IPCEF1: variants seen among roughly 807,000 people sequenced by gnomAD.
IPCEF1 encodes the protein interaction protein for cytohesin exchange factors 1, also known as interactor protein for cytohesin exchange factors 1.
Under a neutral mutation model 50.9 loss-of-function variants are expected in IPCEF1, and 31 were observed. The ratio of observed to expected loss-of-function variants is 0.61; its 90% confidence interval spans 0.46 to 0.82. The LOEUF (loss-of-function observed/expected upper bound fraction) is 0.82. Ranked by LOEUF, IPCEF1 falls within the 40% of genes least tolerant of loss-of-function variation. The pLI, the probability that IPCEF1 is intolerant of heterozygous loss-of-function variation, is 0.00. For synonymous variants in IPCEF1, 181 were observed against 192.0 expected (o/e 0.94, Z 0.47); for missense variants, 458 against 514.0 (o/e 0.89, Z 1.05).
intron 11 of IPCEF1, among the ~76,000 whole-genome samples, chr6:154,161,392 G>A (rs1447185396): frequency 1.3e-5 from 2 of 151,888 alleles, no homozygotes; most frequent in African/African-American, 4.8e-5. Flanking sequence ...TCTATTTTTA[G>A]TAGAGATGGG....
intron 1 of IPCEF1, among the ~76,000 whole-genome samples, chr6:154,329,785 G>A (rs750128927): frequency 6.6e-6 from 1 of 152,062 alleles, no homozygotes; most frequent in South Asian, 2.1e-4. Flanking sequence ...TAGCTTAGTG[G>A]CGAATTCACA....
chr6:154,199,638 T>C (rs192051269), intron 10 of IPCEF1, 30 bp downstream of exon 10: 137 of 1,547,386 alleles, frequency 8.9e-5, no homozygotes, highest in Admixed American at 4.7e-4. Context: ...ATTCACTCTC[T>C]AACGAAGAAT....
intron 10 of IPCEF1, among the ~76,000 whole-genome samples, chr6:154,192,664 AG>A (rs201908136): frequency 0.012 from 1,718 of 144,994 alleles, 26 homozygotes; most frequent in African/African-American, 0.042. Context: ...CAAATTAGGA[AG>A]AAAAAAAAAT....
intron 2 of IPCEF1, among the ~76,000 whole-genome samples, chr6:154,275,920 C>T (rs1782043812): frequency 1.3e-5 from 2 of 152,192 alleles, no homozygotes; most frequent in Admixed American, 6.5e-5. Context: ...TGACTCACGC[C>T]TGTAATCCTA....
chr6:154,173,833 T>C (rs1800073671), intron 10 of IPCEF1, among the ~76,000 whole-genome samples: 1 of 152,156 alleles, frequency 6.6e-6, no homozygotes, highest in African/African-American at 2.4e-5. Context: ...GCCACAAAGA[T>C]ACTCCTTGAG....
chr6:154,349,652 C>G (rs1784090158), intron 1 of IPCEF1, among the ~76,000 whole-genome samples: 1 of 152,078 alleles, frequency 6.6e-6, no homozygotes. Context: ...GTTAAATGTT[C>G]TATTCCTCTC....
At chr6:154,166,643 TC>T (rs1244601462) in intron 11 of IPCEF1, among the ~76,000 whole-genome samples, 1 of 152,168 alleles carries the variant, frequency 6.6e-6, no homozygotes, top group Admixed American at 6.5e-5. Context: ...GTATTTGTTT[TC>T]CTCTGTTTCT....
At chr6:154,299,972 A>G (rs1205821123) in intron 1 of IPCEF1, among the ~76,000 whole-genome samples, 5 of 141,276 alleles carry the variant, frequency 3.5e-5, no homozygotes, top group Admixed American at 1.5e-4. Flanking sequence ...CATGTATAAC[A>G]TTCATCAGTT....
intron 1 of IPCEF1, among the ~76,000 whole-genome samples, chr6:154,293,928 A>G (rs111806176): frequency 5.3e-5 from 8 of 152,318 alleles, no homozygotes; most frequent in African/African-American, 1.2e-4. Flanking sequence ...ATTTTTCCCC[A>G]CTAATCCTCA....
rs539548386 is a variant in IPCEF1, at chr6:154,252,492, C to T, written c.37-5004G>A. Among the ~76,000 whole-genome samples, 276 of 151,976 alleles carry T rather than the reference C, an allele frequency of 1.8e-3. 2 individuals carry two copies. Among genetic ancestry groups the T allele is most frequent in the African/African-American group, 6.2e-3 (258 of 41,464 alleles). On this transcript the variant is annotated intron_variant, in intron 3 of 11. Coordinates refer to ENST00000367220, the MANE Select transcript of IPCEF1 (RefSeq NM_001130700.2). ...GAGTTCAAGAACAGCCTGGCCATCA[C>T]GGTGAAACTCCGTCTCTACTAAAAA...
chr6:154,308,076 T>TA (rs1782982111), intron 1 of IPCEF1, among the ~76,000 whole-genome samples: 2 of 152,092 alleles, frequency 1.3e-5, no homozygotes, highest in South Asian at 4.1e-4. Context: ...AAACAGACAG[T>TA]AGTAAATAGT....
At chr6:154,239,183 G>T (rs1780379847) in intron 5 of IPCEF1, among the ~76,000 whole-genome samples, 1 of 152,064 alleles carries the variant, frequency 6.6e-6, no homozygotes, top group African/African-American at 2.4e-5. Flanking sequence ...AGTTTGGAAA[G>T]AATTTAAAGG....
At chr6:154,333,470 C>T (rs1350660879) in intron 1 of IPCEF1, among the ~76,000 whole-genome samples, 1 of 151,844 alleles carries the variant, frequency 6.6e-6, no homozygotes, top group African/African-American at 2.4e-5. Flanking sequence ...CTCAAACTGG[C>T]TCTCCTAGCT....
At chr6:154,345,509 A>C (rs2128699781) in intron 1 of IPCEF1, among the ~76,000 whole-genome samples, 1 of 152,358 alleles carries the variant, frequency 6.6e-6, no homozygotes, top group South Asian at 2.1e-4. Context: ...AAGCCAATTA[A>C]GAATAATCCA....
At chr6:154,266,715 C>G (rs757322601) in intron 2 of IPCEF1, among the ~76,000 whole-genome samples, 15 of 151,968 alleles carry the variant, frequency 9.9e-5, no homozygotes, top group Non-Finnish European at 1.9e-4. Context: ...AACTCCCCTG[C>G]CTCTGAAGTC....
At chr6:154,333,518 C>T (rs145814701) in intron 1 of IPCEF1, among the ~76,000 whole-genome samples, 51 of 151,066 alleles carry the variant, frequency 3.4e-4, no homozygotes, top group African/African-American at 1.1e-3. Flanking sequence ...ACCTTGTGAT[C>T]GTGGGAGTTA....
chr6:154,272,911 T>G (rs1781934139), intron 2 of IPCEF1, among the ~76,000 whole-genome samples: 1 of 152,244 alleles, frequency 6.6e-6, no homozygotes, highest in Non-Finnish European at 1.5e-5. Context: ...AGGGGATTTA[T>G]TCATTCAACT....
chr6:154,242,201 G>T (rs1197927004), intron 5 of IPCEF1, among the ~76,000 whole-genome samples: 1 of 152,130 alleles, frequency 6.6e-6, no homozygotes, highest in Non-Finnish European at 1.5e-5. Flanking sequence ...ACTTCTCAAA[G>T]ATCCTAATAA....
chr6:154,213,517 T>A (rs2128607049), intron 8 of IPCEF1, among the ~76,000 whole-genome samples: 1 of 152,330 alleles, frequency 6.6e-6, no homozygotes, highest in South Asian at 2.1e-4. Flanking sequence ...CTGTTTCAAA[T>A]CAAGTTGCCA....
Sources: allele counts gnomAD v4.1 joint callset (sites outside exome capture counted in the v4.1 genomes callset), GRCh38; gene constraint gnomAD v4.1.1; transcripts MANE v1.5; gene names NCBI Gene and HGNC (gene_info 2026-07-23, HGNC 2026-07-21).